EYS: variants seen among roughly 807,000 people sequenced by gnomAD.
EYS encodes the protein EGF-like photoreceptor maintenance factor.
EYS carries 250 observed loss-of-function variants against 282.1 expected under a neutral mutation model. That is an observed-to-expected ratio of 0.89 (90% CI 0.80 to 0.98). EYS has a LOEUF of 0.98. EYS is among the 50% of genes least tolerant of loss of function. EYS has a pLI of 0.00. For synonymous variants in EYS, 1,355 were observed against 1,282.9 expected (o/e 1.06, Z -1.20); for missense variants, 4,016 against 3,709.0 (o/e 1.08, Z -2.15).
intron 26 of EYS, among the ~76,000 whole-genome samples, chr6:64,489,030 G>C (rs139225744): frequency 1.6e-4 from 24 of 150,742 alleles, no homozygotes; most frequent in African/African-American, 5.1e-4. Context: ...TTATGTTATG[G>C]TAATGCTTTA....
chr6:64,529,475 A>G (rs1213212413), intron 26 of EYS, among the ~76,000 whole-genome samples: 2 of 152,086 alleles, frequency 1.3e-5, no homozygotes, highest in African/African-American at 4.8e-5. Flanking sequence ...TTTTTCATCC[A>G]TATACTCTAG....
intron 35 of EYS, among the ~76,000 whole-genome samples, chr6:63,896,811 G>C (rs760370019): frequency 1.4e-4 from 22 of 152,230 alleles, no homozygotes; most frequent in Non-Finnish European, 2.2e-4. Context: ...CATACAGTAT[G>C]TAGCTTTTTG....
intron 31 of EYS, among the ~76,000 whole-genome samples, chr6:64,153,682 G>A (rs1774818808): frequency 6.6e-6 from 1 of 152,156 alleles, no homozygotes. Context: ...GGAGACACAA[G>A]AACTGTCATA....
At chr6:64,358,380 G>A (rs1259493507) in intron 29 of EYS, among the ~76,000 whole-genome samples, 1 of 151,638 alleles carries the variant, frequency 6.6e-6, no homozygotes, top group African/African-American at 2.4e-5. Context: ...CACATAAAAA[G>A]AGAGCAACTG....
At chr6:64,292,226 G>C (rs1172221149) in intron 30 of EYS, among the ~76,000 whole-genome samples, 2 of 152,176 alleles carry the variant, frequency 1.3e-5, no homozygotes, top group Middle Eastern at 3.4e-3. Context: ...ACACGGCAGA[G>C]GCACTCTTTC....
intron 15 of EYS, among the ~76,000 whole-genome samples, chr6:64,936,584 A>C (rs1562265989): frequency 6.6e-6 from 1 of 151,534 alleles, no homozygotes; most frequent in Admixed American, 6.6e-5. Context: ...CTGATGTTGA[A>C]AAATACATCA....
chr6:64,503,336 G>C lies in EYS; in HGVS notation c.5645-63984C>G, dbSNP rs1025441648. ...TGATTTGAAGGAAAAAAAAATCCAA[G>C]TCAAATCATCCTTTCAGAGTTTTAT... On this transcript the variant is annotated intron_variant, in intron 26 of 42. Transcript: ENST00000503581. Among the ~76,000 whole-genome samples, 16 of 152,196 alleles carry C rather than the reference G, an allele frequency of 1.1e-4. No individual in the cohort carries two copies. In the Middle Eastern group the frequency reaches 0.01, roughly 97 times the overall value.
At position 63,877,699 on chromosome 6, in the gene EYS, C is replaced by A. The variant is rs187150501; in HGVS notation, c.7056-13341G>T. 8.5e-4 allele frequency among the ~76,000 whole-genome samples: 130 copies of A among 152,228 alleles called. 1 individual carries two copies. The highest frequency in any genetic ancestry group is 5.2e-4 in the Admixed American group (8 of 15,286). ...TACTCTTTTTTCTTAAACTTCTCTT[C>A]TTGCTTCATTTCATTCATTTGATCT... On this transcript the variant is annotated intron_variant, in intron 35 of 42. Transcript: ENST00000503581.
rs139714455 is a variant in EYS at position 65,327,225 on chromosome 6, A to T, written c.1766+7755T>A. ...AGTTCCAGCCTTGTTCTCAATTAAG[A>T]TCTCTCCAGTAAGTTTTTCGGTTGT... On this transcript the variant is annotated intron_variant, in intron 11 of 42. Transcript: ENST00000503581. Among the ~76,000 whole-genome samples, 122 of 151,744 alleles carry T rather than the reference A, an allele frequency of 8.0e-4. 1 individual carries two copies. The highest frequency in any genetic ancestry group is 2.6e-3 in the African/African-American group (109 of 41,516).
rs147539207 is a variant in EYS at position 64,285,686 on chromosome 6, T to C, written c.6191+21284A>G. Among the ~76,000 whole-genome samples, 293 of 152,324 alleles carry C rather than the reference T, an allele frequency of 1.9e-3. 1 individual carries two copies. The highest frequency in any genetic ancestry group is 6.5e-3 in the African/African-American group (270 of 41,572). On this transcript the variant is annotated intron_variant, in intron 30 of 42. Transcript: ENST00000503581. ...ATACTGGGAAGAAAAAGAGGTTTAA[T>C]TGGACTTACACTTCCACATGGCTGG... is the stretch of plus-strand genomic sequence containing the variant.
chr6:65,386,703 G>T (rs1481899140), intron 7 of EYS, among the ~76,000 whole-genome samples: 1 of 151,960 alleles, frequency 6.6e-6, no homozygotes, highest in Non-Finnish European at 1.5e-5. Context: ...CTGTTGAAAT[G>T]CTCAGAGAGA....
intron 22 of EYS, among the ~76,000 whole-genome samples, chr6:64,665,769 T>G (rs1005314943): frequency 1.3e-5 from 2 of 152,206 alleles, no homozygotes; most frequent in Admixed American, 1.3e-4. Flanking sequence ...CTGAGAAAGC[T>G]ATGCTCTTAC....
At chr6:65,401,548 C>T (rs1037457250) in intron 7 of EYS, among the ~76,000 whole-genome samples, 8 of 151,406 alleles carry the variant, frequency 5.3e-5, no homozygotes, top group African/African-American at 1.7e-4. Context: ...TGAAGGCATG[C>T]AAAAATTTGA....
At chr6:65,599,363 G>A (rs1765534287) in intron 2 of EYS, among the ~76,000 whole-genome samples, 1 of 152,018 alleles carries the variant, frequency 6.6e-6, no homozygotes, top group African/African-American at 2.4e-5. Context: ...TTATTTTTAT[G>A]TGAGTTTGGG....
chr6:63,844,144 T>C (rs1772036428), intron 36 of EYS, among the ~76,000 whole-genome samples: 1 of 152,174 alleles, frequency 6.6e-6, no homozygotes, highest in African/African-American at 2.4e-5. Flanking sequence ...CTGGGGATAA[T>C]GGCTTCCAAC....
At chr6:64,222,189 C>T (rs531962396) in intron 31 of EYS, among the ~76,000 whole-genome samples, 1 of 152,088 alleles carries the variant, frequency 6.6e-6, no homozygotes, top group East Asian at 1.9e-4. Context: ...TTAATATTCC[C>T]AGGACAGTTA....
At chr6:64,050,516 A>T (rs1263498562) in intron 33 of EYS, among the ~76,000 whole-genome samples, 1 of 152,150 alleles carries the variant, frequency 6.6e-6, no homozygotes, top group African/African-American at 2.4e-5. Flanking sequence ...TAGGGAAAAA[A>T]TTTGTTTCAG....
At chr6:64,164,459 C>T (rs1422693281) in intron 31 of EYS, among the ~76,000 whole-genome samples, 2 of 152,042 alleles carry the variant, frequency 1.3e-5, no homozygotes, top group Non-Finnish European at 1.5e-5. Context: ...CTAAAGCACA[C>T]CTGAGTTTTA....
Position 63,775,844 on chromosome 6 carries a change from A to G in EYS, c.7898+2162T>C, listed in dbSNP as rs190050002. Among the ~76,000 whole-genome samples the G allele has an allele frequency of 1.1e-4, 16 of 152,314 alleles. No individual in the cohort carries two copies. The East Asian group carries it at 2.9e-3, about 28-fold the overall frequency. On this transcript the variant is annotated intron_variant, in intron 40 of 42. Coordinates refer to ENST00000503581, the MANE Select transcript of EYS (RefSeq NM_001142800.2). The stretch of plus-strand genomic sequence containing the variant: ...TATTTTTGAACAGCTTTATTGAGGT[A>G]TAATTTACTTACCATAAAATTCACT...
Sources: allele counts gnomAD v4.1 joint callset (sites outside exome capture counted in the v4.1 genomes callset), GRCh38; gene constraint gnomAD v4.1.1; transcripts MANE v1.5; gene names NCBI Gene and HGNC (gene_info 2026-07-23, HGNC 2026-07-21).